TFCP2: variants seen among roughly 807,000 people sequenced by gnomAD.
TFCP2 encodes transcription factor CP2.
In TFCP2, 33 loss-of-function variants were observed where a neutral mutation model predicts 73.4. The ratio of observed to expected loss-of-function variants is 0.45; its 90% CI spans 0.34 to 0.60. The LOEUF (loss-of-function observed/expected upper bound fraction) is 0.60, where lower values mean the gene tolerates loss of function less well. TFCP2 is among the 20% of genes least tolerant of loss of function. TFCP2 has a pLI of 0.01. For missense variants in TFCP2, 352 were observed against 604.0 expected, an observed-to-expected ratio of 0.58 and a Z score of 4.37; for synonymous variants, 193 against 211.6, an observed-to-expected ratio of 0.91 and a Z score of 0.76.
intron 10 of TFCP2, among the ~76,000 whole-genome samples, chr12:51,103,008 T>A (rs949923148): frequency 1.3e-5 from 2 of 151,776 alleles, no homozygotes; most frequent in African/African-American, 2.4e-5. Context: ...ATAGGCCAGA[T>A]GCCGCAGCTC....
chr12:51,110,714 GA>G (rs1490974661), intron 5 of TFCP2, among the ~76,000 whole-genome samples, 162 bp downstream of exon 5: 1 of 152,168 alleles, frequency 6.6e-6, no homozygotes, highest in Non-Finnish European at 1.5e-5. Context: ...GAGCAATTCA[GA>G]AACTCCTCAA....
intron 1 of TFCP2, among the ~76,000 whole-genome samples, chr12:51,126,961 T>C (rs1278981027): frequency 6.6e-6 from 1 of 152,234 alleles, no homozygotes; most frequent in Non-Finnish European, 1.5e-5. Flanking sequence ...GATGGCCCTG[T>C]GGTTTTACCA....
intron 1 of TFCP2, among the ~76,000 whole-genome samples, chr12:51,160,347 A>C (rs1941623361): frequency 6.6e-6 from 1 of 151,950 alleles, no homozygotes. Flanking sequence ...CTGTTGGCCA[A>C]GCTGGTTTCA....
intron 14 of TFCP2, 121 bp from the exon 15 acceptor site, chr12:51,095,399 G>A: frequency 1.9e-6 from 2 of 1,043,200 alleles, no homozygotes; most frequent in Non-Finnish European, 2.9e-6. Context: ...GTTGCAGTGA[G>A]CTGAGATCAC....
chr12:51,129,171 C>T (rs983840583), intron 1 of TFCP2, among the ~76,000 whole-genome samples: 7 of 152,202 alleles, frequency 4.6e-5, no homozygotes, highest in East Asian at 3.9e-4. Flanking sequence ...AATCAGACTA[C>T]ATTTGAATAT....
At chr12:51,097,996 CAG>C (rs1295105687) in intron 13 of TFCP2, among the ~76,000 whole-genome samples, 4 of 151,392 alleles carry the variant, frequency 2.6e-5, no homozygotes, top group African/African-American at 9.7e-5. Context: ...GCCTGGGCGA[CAG>C]AGTGAGACTC....
intron 13 of TFCP2, among the ~76,000 whole-genome samples, chr12:51,098,412 G>A (rs894122274): frequency 2.0e-5 from 3 of 152,098 alleles, no homozygotes; most frequent in Non-Finnish European, 4.4e-5. Flanking sequence ...GATCACTTGA[G>A]GCCAGGAGTT....
chr12:51,114,606 A>AAAAT (rs1033692516), intron 4 of TFCP2, among the ~76,000 whole-genome samples: 7 of 151,924 alleles, frequency 4.6e-5, no homozygotes, highest in African/African-American at 1.5e-4. Context: ...CTCCATCTCA[A>AAAAT]AAATAAATAA....
rs117848330 is a variant in TFCP2 at position 51,162,402 on chromosome 12, C to T, written c.122+9899G>A. 3.3e-4 allele frequency among the ~76,000 whole-genome samples: 50 copies of T among 150,062 alleles called. 1 individual carries two copies. The East Asian group carries it at 9.2e-3, about 28-fold the overall frequency. On this transcript the variant is annotated intron_variant, in intron 1 of 14. Transcript: ENST00000257915. Reference sequence around the variant, plus strand: ...TGGAGGTTGCAGTGAGCCAAAATGGCGCCACTGCACTTGAGCCTGGGTGAT... The same window carrying T: ...TGGAGGTTGCAGTGAGCCAAAATGGTGCCACTGCACTTGAGCCTGGGTGAT...
At chr12:51,124,806 G>A (rs774744537) in intron 1 of TFCP2, 10 of 1,001,692 alleles carry the variant, frequency 1.0e-5, no homozygotes, top group Non-Finnish European at 1.6e-5. Flanking sequence ...CTGCTGCTCA[G>A]CCTTTTCCTT....
chr12:51,132,871 G>A (rs889963269), intron 1 of TFCP2, among the ~76,000 whole-genome samples: 41 of 152,238 alleles, frequency 2.7e-4, no homozygotes, highest in Non-Finnish European at 4.9e-4. Context: ...AAACATGTAA[G>A]TGAGCCATCT....
chr12:51,121,645 T>C (rs965756345), intron 1 of TFCP2, among the ~76,000 whole-genome samples: 2 of 151,318 alleles, frequency 1.3e-5, no homozygotes, highest in African/African-American at 4.9e-5. Flanking sequence ...TTTGTATTTT[T>C]AGTAGAGACG....
chr12:51,108,857 T>C (rs1373872150), intron 6 of TFCP2, among the ~76,000 whole-genome samples: 1 of 152,228 alleles, frequency 6.6e-6, no homozygotes, highest in African/African-American at 2.4e-5. Flanking sequence ...TACAAGAGCT[T>C]GTAACTTCAA....
chr12:51,122,441 T>A lies in TFCP2; in HGVS notation c.123-3669A>T, dbSNP rs908068762. Reference sequence around the variant, plus strand: ...ACTCAGCTAATTTTTATATTTTTAGTAGAGACAGGGTTTCACCATGTTGGC... The same window carrying A: ...ACTCAGCTAATTTTTATATTTTTAGAAGAGACAGGGTTTCACCATGTTGGC... On this transcript the variant is annotated intron_variant, in intron 1 of 14. Transcript: ENST00000257915. 5.3e-5 allele frequency among the ~76,000 whole-genome samples: 8 copies of A among 151,978 alleles called. No individual in the cohort carries two copies. The East Asian group carries it at 1.5e-3, about 29-fold the overall frequency.
chr12:51,169,716 C>T (rs1050476888), intron 1 of TFCP2, among the ~76,000 whole-genome samples: 3 of 151,950 alleles, frequency 2.0e-5, no homozygotes, highest in African/African-American at 4.8e-5. Context: ...GAACAGGACC[C>T]GTCTCAAAAA....
Position 51,159,327 on chromosome 12 carries a change from T to C in TFCP2, c.122+12974A>G, listed in dbSNP as rs142301057. Among the ~76,000 whole-genome samples the C allele has an allele frequency of 7.1e-3, 1,084 of 152,066 alleles. 10 individuals are homozygous for C. Among genetic ancestry groups the C allele is most frequent in the African/African-American group, 0.025 (1,025 of 41,430 alleles). ...GATCAAAACCAGCAATTCTTTCTTT[T>C]ATTTTTAATTTATTTTTTATTTTTT... On this transcript the variant is annotated intron_variant, in intron 1 of 14. Transcript: ENST00000257915.
Position 51,102,824 on chromosome 12 carries a change from C to T in TFCP2, c.1061-799G>A, listed in dbSNP as rs1460754292. Among the ~76,000 whole-genome samples, 3 of 152,094 alleles carry T rather than the reference C, an allele frequency of 2.0e-5. No homozygotes were observed. The South Asian group carries it at 6.2e-4, about 31-fold the overall frequency. On this transcript the variant is annotated intron_variant, in intron 10 of 14. Transcript: ENST00000257915. ...ACGTCTTACTGTCACTATCAGAACA[C>T]TTATCTACAAAATCACAACTATTTA...
chr12:51,098,597 G>A (rs1409866549), intron 13 of TFCP2, among the ~76,000 whole-genome samples, 179 bp downstream of exon 13: 1 of 151,982 alleles, frequency 6.6e-6, no homozygotes, highest in Admixed American at 6.6e-5. Context: ...CTGCACTCCG[G>A]CCTGGGCAAC....
intron 1 of TFCP2, among the ~76,000 whole-genome samples, chr12:51,133,665 G>A (rs1432881779): frequency 2.0e-5 from 3 of 151,588 alleles, no homozygotes; most frequent in African/African-American, 4.8e-5. Flanking sequence ...AGTGGCTCAC[G>A]CCTGTAATCC....
Sources: gnomAD v4.1 joint callset for allele counts (sites outside exome capture counted in the v4.1 genomes callset) on GRCh38, gnomAD v4.1.1 for gene constraint, MANE v1.5 for transcripts, NCBI Gene and HGNC (gene_info 2026-07-23, HGNC 2026-07-21) for gene names.